The following FHL5 variants were observed in gnomAD, a reference collection of about 807,000 sequenced individuals.
FHL5 encodes four and a half LIM domains 5, also known as four and a half LIM domains protein 5.
FHL5 carries 33 observed loss-of-function variants against 32.0 expected under a neutral mutation model. That is an observed-to-expected ratio of 1.03 (90% CI 0.78 to 1.38). The LOEUF is 1.38. Ranked by LOEUF, FHL5 falls within the 40% of genes most tolerant of loss-of-function variation. The pLI is 0.00. For missense variants in FHL5, 336 were observed against 343.9 expected, an observed-to-expected ratio of 0.98 and a Z score of 0.18; for synonymous variants, 114 against 113.6, an observed-to-expected ratio of 1.00 and a Z score of -0.02.
chr6:96,565,607 A>G (rs1398203298), intron 1 of FHL5, among the ~76,000 whole-genome samples: 1 of 152,160 alleles, frequency 6.6e-6, no homozygotes, highest in African/African-American at 2.4e-5. Context: ...GATCCTGAGT[A>G]GATTATTTTG....
chr6:96,588,118 AT>A (rs967857019), intron 1 of FHL5, among the ~76,000 whole-genome samples: 146 of 152,334 alleles, frequency 9.6e-4, no homozygotes, highest in African/African-American at 3.4e-3. Context: ...TATATGTTCA[AT>A]TTTACAATGT....
chr6:96,578,736 G>T (rs112834714), intron 1 of FHL5, among the ~76,000 whole-genome samples: 1 of 152,084 alleles, frequency 6.6e-6, no homozygotes, highest in African/African-American at 2.4e-5. Flanking sequence ...CAGCTACTCC[G>T]GAGGCTGAGA....
rs574706671 is a variant in FHL5 at position 96,581,168 on chromosome 6, A to T, written c.-13+17813A>T. Among the ~76,000 whole-genome samples the T allele has an allele frequency of 1.3e-3, 192 of 152,168 alleles. 1 individual carries two copies. Among genetic ancestry groups the T allele is most frequent in the Non-Finnish European group, 1.7e-3 (115 of 67,990 alleles). On this transcript the variant is annotated intron_variant, in intron 1 of 5. Transcript: ENST00000450218. The stretch of plus-strand genomic sequence containing the variant: ...TCCTGGATCCAGGGTTATTAACTGA[A>T]CTTTCCCTGAAGCCATTGAATTAAA...
intron 1 of FHL5, among the ~76,000 whole-genome samples, chr6:96,583,806 T>C (rs1279998028): frequency 6.6e-6 from 1 of 152,144 alleles, no homozygotes; most frequent in Non-Finnish European, 1.5e-5. Context: ...TTTTATTCCC[T>C]AGCTGTTATG....
intron 1 of FHL5, among the ~76,000 whole-genome samples, chr6:96,579,079 G>A (rs1770646116): frequency 6.6e-6 from 1 of 152,004 alleles, no homozygotes; most frequent in Non-Finnish European, 1.5e-5. Context: ...ATAAAGAACG[G>A]GAGACTCAAG....
chr6:96,605,894 G>A lies in FHL5; in HGVS notation c.335-8G>A. Reference sequence around the variant, plus strand: ...TTATACTAACATGGCCTTACTTTTGGAGTACAGGTTCCCGCAAAATGGAAT... The same window carrying A: ...TTATACTAACATGGCCTTACTTTTGAAGTACAGGTTCCCGCAAAATGGAAT... On this transcript the variant is annotated splice_polypyrimidine_tract_variant and splice_region_variant and intron_variant, in intron 3 of 5. Transcript: ENST00000450218. The A allele has an allele frequency of 6.2e-7, 1 of 1,612,686 alleles. No homozygotes were observed. The highest frequency in any genetic ancestry group is 2.2e-5 in the East Asian group (1 of 44,836).
chr6:96,611,398 CAT>C (rs1175484018), intron 5 of FHL5, among the ~76,000 whole-genome samples: 3 of 151,896 alleles, frequency 2.0e-5, no homozygotes, highest in African/African-American at 7.3e-5. Flanking sequence ...TTGAAAATAA[CAT>C]AATGATAAAT....
At chr6:96,570,575 G>C (rs191878160) in intron 1 of FHL5, among the ~76,000 whole-genome samples, 2 of 152,058 alleles carry the variant, frequency 1.3e-5, no homozygotes, top group East Asian at 3.9e-4. Flanking sequence ...TATTAAACAG[G>C]CTTTCTATAC....
At chr6:96,608,395 C>A (rs1023193762) in intron 4 of FHL5, among the ~76,000 whole-genome samples, 1 of 152,034 alleles carries the variant, frequency 6.6e-6, no homozygotes, top group Admixed American at 6.6e-5. Flanking sequence ...GTTTTTAAAA[C>A]CACAAGTCCT....
intron 1 of FHL5, among the ~76,000 whole-genome samples, chr6:96,602,721 T>C (rs575009580): frequency 2.8e-4 from 42 of 152,328 alleles, no homozygotes; most frequent in African/African-American, 9.6e-4. Flanking sequence ...AGATGAATTC[T>C]AGCTATTTTA....
intron 1 of FHL5, among the ~76,000 whole-genome samples, chr6:96,576,092 C>T (rs1335468027): frequency 6.6e-6 from 1 of 152,176 alleles, no homozygotes; most frequent in Non-Finnish European, 1.5e-5. Context: ...GCTTAGGAAC[C>T]TCCACCTACT....
intron 1 of FHL5, among the ~76,000 whole-genome samples, chr6:96,576,074 G>A (rs1770578648): frequency 1.3e-5 from 2 of 152,118 alleles, no homozygotes; most frequent in Admixed American, 1.3e-4. Context: ...CTGTGTGGAC[G>A]GCCCTCAGCT....
chr6:96,576,978 A>C (rs1770597037), intron 1 of FHL5, among the ~76,000 whole-genome samples: 1 of 152,226 alleles, frequency 6.6e-6, no homozygotes, highest in Non-Finnish European at 1.5e-5. Context: ...TGAGATCAAC[A>C]TGTTGTGTTT....
rs746869618 is a variant in FHL5 at position 96,610,622 on chromosome 6, G to C, written c.555G>C (p.Glu185Asp). 1 of 1,613,960 alleles carries C rather than the reference G, an allele frequency of 6.2e-7. No individual in the cohort carries two copies. The highest frequency in any genetic ancestry group is 2.2e-5 in the East Asian group (1 of 44,872). ...TTTGTGACCAGCTATGGCATAAAGA[G>C]TGTTTTCTGTGTAGTGGCTGTAGGA... ...ITFCDQLWHKECFLCSGCRKD... is the reference protein window; with the variant it reads ...ITFCDQLWHKDCFLCSGCRKD... The change falls in exon 5 of 6, where the codon GAG (glutamate) becomes GAC (aspartate). Residue 185 changes from glutamate to aspartate, a missense_variant. Glu to Asp is a conservative substitution (Grantham distance 45, BLOSUM62 2). Transcript: ENST00000450218.
intron 2 of FHL5, 105 bp from the exon 3 acceptor site, chr6:96,604,645 C>T: frequency 1.3e-6 from 1 of 788,752 alleles, no homozygotes; most frequent in Non-Finnish European, 1.9e-6. Flanking sequence ...ACGCTACTAG[C>T]ACAACCTACT....
chr6:96,605,015 C>A, intron 3 of FHL5, 91 bp downstream of exon 3: 1 of 924,592 alleles, frequency 1.1e-6, no homozygotes, highest in Non-Finnish European at 1.6e-6. Context: ...GCTCCCAAAA[C>A]CCTGGTTTTG....
At chr6:96,592,548 C>T (rs569616295) in intron 1 of FHL5, among the ~76,000 whole-genome samples, 17 of 152,206 alleles carry the variant, frequency 1.1e-4, no homozygotes, top group African/African-American at 2.6e-4. Flanking sequence ...TCCTCCTCAG[C>T]TTACGAGATG....
intron 1 of FHL5, among the ~76,000 whole-genome samples, chr6:96,593,419 A>G (rs1392873714): frequency 1.3e-5 from 2 of 152,136 alleles, no homozygotes; most frequent in African/African-American, 4.8e-5. Flanking sequence ...CTTCCTTCAG[A>G]CAGGATGTGT....
intron 1 of FHL5, among the ~76,000 whole-genome samples, chr6:96,585,384 GA>G (rs2127964696): frequency 6.6e-6 from 1 of 152,206 alleles, no homozygotes; most frequent in East Asian, 1.9e-4. Flanking sequence ...GCTGAGCATA[GA>G]TATATTTATA....
Sources: allele counts gnomAD v4.1 joint callset (sites outside exome capture counted in the v4.1 genomes callset), GRCh38; gene constraint gnomAD v4.1.1; transcripts MANE v1.5; gene names NCBI Gene and HGNC (gene_info 2026-07-23, HGNC 2026-07-21).